Variants in SH3PXD2A observed in about 807,000 individuals in gnomAD.
The protein encoded by SH3PXD2A is SH3 and PX domain-containing protein 2A.
A neutral mutation model predicts 115.2 loss-of-function variants in SH3PXD2A; 32 were observed. The observed-to-expected ratio is 0.28, with a 90% CI of 0.21 to 0.37. SH3PXD2A has a LOEUF of 0.37. SH3PXD2A is among the 10% of genes least tolerant of loss of function. The probability of loss-of-function intolerance (pLI) is 1.00; values close to 1 mark genes in which losing one functional copy is unlikely to be tolerated. For synonymous variants in SH3PXD2A, 610 were observed against 629.1 expected (o/e 0.97, Z 0.45); for missense variants, 1,328 against 1,498.7 (o/e 0.89, Z 1.88).
intron 6 of SH3PXD2A, among the ~76,000 whole-genome samples, chr10:103,683,415 G>A (rs1334322641): frequency 6.6e-6 from 1 of 152,166 alleles, no homozygotes; most frequent in Admixed American, 6.5e-5. Flanking sequence ...TTGGGAGGCT[G>A]AGGCACGAGA....
Position 103,603,024 on chromosome 10 carries a change from G to C in SH3PXD2A, c.2194C>G (p.Pro732Ala), listed in dbSNP as rs2133908084. The change falls in exon 15 of 15, where the codon CCC becomes GCC. Residue 732 changes from proline (P) to alanine (A), a missense_variant. Pro to Ala is a conservative substitution (Grantham distance 27). Transcript: ENST00000369774. Reference protein sequence around the residue: ...SASDAGIRGTPKVRAKKDADA... With the variant: ...SASDAGIRGTAKVRAKKDADA... ...GCATCCTTCTTTGCCCTGACCTTGG[G>C]AGTGCCGCGGATGCCTGCGTCCGAA... 12 of 1,614,104 alleles carry C rather than the reference G, an allele frequency of 7.4e-6. No homozygotes were observed. The highest frequency in any genetic ancestry group is 1.0e-5 in the Non-Finnish European group (12 of 1,180,054).
chr10:103,703,023 G>A (rs890497202), intron 5 of SH3PXD2A, among the ~76,000 whole-genome samples: 14 of 152,206 alleles, frequency 9.2e-5, no homozygotes, highest in African/African-American at 3.1e-4. Context: ...TTGGCTGATG[G>A]CCCCTAACTC....
chr10:103,623,060 A>G (rs2036631940), intron 9 of SH3PXD2A, among the ~76,000 whole-genome samples: 1 of 152,116 alleles, frequency 6.6e-6, no homozygotes. Context: ...CCCAAGAGAG[A>G]CTTGGATCCC....
At chr10:103,626,176 T>C (rs2036689721) in intron 9 of SH3PXD2A, among the ~76,000 whole-genome samples, 3 of 152,128 alleles carry the variant, frequency 2.0e-5, no homozygotes, top group Admixed American at 1.3e-4. Flanking sequence ...AGCCTCGACA[T>C]AGGAGGAAGG....
Position 103,795,208 on chromosome 10 carries a change from A to T in SH3PXD2A, c.153+6074T>A, listed in dbSNP as rs188520004. Among the ~76,000 whole-genome samples the T allele has an allele frequency of 1.3e-3, 197 of 152,330 alleles. 1 individual carries two copies. The highest frequency in any genetic ancestry group is 2.3e-3 in the Non-Finnish European group (154 of 68,032). On this transcript the variant is annotated intron_variant, in intron 2 of 14. Transcript: ENST00000369774. Reference sequence around the variant, plus strand: ...TTTACTTTTATTTCATTTAATTTTTAAAATTTAATTTCAAAAATTTTTAAT... The same window carrying T: ...TTTACTTTTATTTCATTTAATTTTTTAAATTTAATTTCAAAAATTTTTAAT...
At chr10:103,676,942 G>C (rs139047783) in intron 6 of SH3PXD2A, among the ~76,000 whole-genome samples, 1 of 151,916 alleles carries the variant, frequency 6.6e-6, no homozygotes, top group Non-Finnish European at 1.5e-5. Context: ...CCAGAAGCCC[G>C]AGCCAAAGCC....
chr10:103,634,042 C>T (rs951985666), intron 8 of SH3PXD2A, among the ~76,000 whole-genome samples: 1 of 152,244 alleles, frequency 6.6e-6, no homozygotes, highest in Admixed American at 6.5e-5. Flanking sequence ...TTGCCCAGCT[C>T]TCCTTGTGTG....
In SH3PXD2A at chr10:103,768,501, G is replaced by C. The variant is rs1256270442; in HGVS notation, c.154-1332C>G. 5.3e-5 allele frequency among the ~76,000 whole-genome samples: 8 copies of C among 152,212 alleles called. No individual in the cohort carries two copies. The East Asian group carries it at 1.3e-3, about 26-fold the overall frequency. On this transcript the variant is annotated intron_variant, in intron 2 of 14. Coordinates refer to ENST00000369774, the MANE Select transcript of SH3PXD2A (RefSeq NM_001394015.1). Reference sequence around the variant, plus strand: ...GAGGGACAGGCAATGAGATCTGAGTGGCAGGATGGGCCAGAGCACAGAGGG... The same window carrying C: ...GAGGGACAGGCAATGAGATCTGAGTCGCAGGATGGGCCAGAGCACAGAGGG...
At chr10:103,613,338 T>C (rs1486839250) in intron 11 of SH3PXD2A, 148 bp from the exon 12 acceptor site, 2 of 580,370 alleles carry the variant, frequency 3.4e-6, no homozygotes, top group Non-Finnish European at 5.8e-6. Context: ...TGGAGAGAAA[T>C]GGCACCGAGG....
At chr10:103,626,889 C>A (rs1415494310) in intron 9 of SH3PXD2A, among the ~76,000 whole-genome samples, 200 bp downstream of exon 9, 1 of 152,154 alleles carries the variant, frequency 6.6e-6, no homozygotes, top group East Asian at 1.9e-4. Flanking sequence ...AGTTCCTGAG[C>A]CCCTGAGACA....
chr10:103,626,450 G>A (rs1466724616), intron 9 of SH3PXD2A, among the ~76,000 whole-genome samples: 7 of 152,156 alleles, frequency 4.6e-5, no homozygotes, highest in Non-Finnish European at 8.8e-5. Flanking sequence ...TGGGGGTGGC[G>A]CAAACGGACT....
intron 3 of SH3PXD2A, among the ~76,000 whole-genome samples, chr10:103,738,648 G>C (rs1030213714): frequency 6.6e-6 from 1 of 152,148 alleles, no homozygotes; most frequent in Non-Finnish European, 1.5e-5. Flanking sequence ...ATGCACTCCC[G>C]CCCTTTCTCA....
At position 103,849,717 on chromosome 10, in the gene SH3PXD2A, C is replaced by T. The variant is rs552561171; in HGVS notation, c.72+5478G>A. Among the ~76,000 whole-genome samples, 13 of 152,310 alleles carry T rather than the reference C, an allele frequency of 8.5e-5. No individual in the cohort carries two copies. In the East Asian group the frequency reaches 1.7e-3, roughly 20 times the overall value. ...TGGAAGCCCTGATCACTCTATTGGG[C>T]GCTTCCATTATTTTTGGCAATTGTC... On this transcript the variant is annotated intron_variant, in intron 1 of 14. Coordinates refer to ENST00000369774, the MANE Select transcript of SH3PXD2A (RefSeq NM_001394015.1).
intron 2 of SH3PXD2A, among the ~76,000 whole-genome samples, chr10:103,794,325 G>A (rs1399893446): frequency 6.6e-6 from 1 of 152,182 alleles, no homozygotes; most frequent in Non-Finnish European, 1.5e-5. Context: ...GGAAAATAAA[G>A]GGCCTCTCCC....
chr10:103,747,940 G>A (rs2038526446), intron 3 of SH3PXD2A, among the ~76,000 whole-genome samples: 1 of 152,052 alleles, frequency 6.6e-6, no homozygotes, highest in Admixed American at 6.5e-5. Flanking sequence ...TTGAACCACC[G>A]CGCCTGTCCC....
intron 1 of SH3PXD2A, among the ~76,000 whole-genome samples, chr10:103,803,987 T>G (rs1324456601): frequency 6.6e-6 from 1 of 152,190 alleles, no homozygotes; most frequent in Non-Finnish European, 1.5e-5. Context: ...AAACATACTC[T>G]GATTGGCAAT....
At chr10:103,691,403 C>T (rs1163310527) in intron 6 of SH3PXD2A, among the ~76,000 whole-genome samples, 1 of 152,128 alleles carries the variant, frequency 6.6e-6, no homozygotes, top group African/African-American at 2.4e-5. Flanking sequence ...CACACAGAGC[C>T]AGAATTTGAG....
chr10:103,639,609 AAAAAAAAAAAAAAAAAAGAAAAAG>A (rs1453178415), intron 8 of SH3PXD2A, among the ~76,000 whole-genome samples: 2 of 54,478 alleles, frequency 3.7e-5, no homozygotes, highest in South Asian at 6.1e-4. Flanking sequence ...ACTCCGTCTT[AAAAAAAAAAAAAAAAAAGAAAAAG>A]AAAAAAAAAA....
intron 8 of SH3PXD2A, among the ~76,000 whole-genome samples, chr10:103,628,632 C>G (rs2036733453): frequency 6.6e-6 from 1 of 152,204 alleles, no homozygotes; most frequent in East Asian, 1.9e-4. Flanking sequence ...AACAGGATCA[C>G]TTCCGGAGAA....
Sources: allele counts gnomAD v4.1 joint callset (sites outside exome capture counted in the v4.1 genomes callset), GRCh38; gene constraint gnomAD v4.1.1; transcripts MANE v1.5; gene names NCBI Gene and HGNC (gene_info 2026-07-23, HGNC 2026-07-21).